The following FANCB variants were observed in gnomAD, a reference collection of about 807,000 sequenced individuals.
FANCB encodes the protein FA complementation group B.
FANCB carries 5 observed loss-of-function variants against 38.9 expected under a neutral mutation model. The observed-to-expected ratio is 0.13, with a 90% CI of 0.07 to 0.27. FANCB has a LOEUF of 0.27. FANCB is among the 10% of genes least tolerant of loss of function. FANCB has a pLI of 1.00. For synonymous variants in FANCB, 236 were observed against 215.4 expected (o/e 1.10, Z -0.84); for missense variants, 573 against 602.7 (o/e 0.95, Z 0.52).
chrX:14,833,424 G>A (rs191209136), downstream of FANCB, among the ~76,000 whole-genome samples: 105 of 112,163 alleles, frequency 9.4e-4, no homozygotes, highest in African/African-American at 3.2e-3. Flanking sequence ...TCGACTGAGA[G>A]CTTGTTAGAA....
chrX:14,833,725 C>G (rs1204392657), downstream of FANCB, among the ~76,000 whole-genome samples: 1 of 108,725 alleles, frequency 9.2e-6, no homozygotes, highest in Non-Finnish European at 1.9e-5. Flanking sequence ...TTTGGGAGGC[C>G]AAAGTGGGCG....
the FANCB span, among the ~76,000 whole-genome samples, chrX:14,807,977 A>G: frequency 1.8e-5 from 2 of 112,024 alleles, no homozygotes; most frequent in African/African-American, 6.5e-5. Context: ...GAAAAAATGA[A>G]CAAATTCCTA....
chrX:14,729,109 A>T, the FANCB span, among the ~76,000 whole-genome samples: 1 of 112,239 alleles, frequency 8.9e-6, no homozygotes, highest in Non-Finnish European at 1.9e-5. Context: ...TATACCTTTT[A>T]TATGTGGATG....
chrX:14,739,136 T>C, the FANCB span, among the ~76,000 whole-genome samples: 1 of 112,129 alleles, frequency 8.9e-6, no homozygotes, highest in African/African-American at 3.2e-5. Context: ...TTAGGGTTTT[T>C]TAAGTATAAT....
the FANCB span, among the ~76,000 whole-genome samples, chrX:14,743,576 CT>C: frequency 0.065 from 5,951 of 91,879 alleles, 232 homozygotes; most frequent in African/African-American, 0.13. Context: ...GTATTTCTTT[CT>C]TTTTTTTTTT....
intron 1 of FANCB, among the ~76,000 whole-genome samples, chrX:14,871,419 A>C (rs1280983542): frequency 8.9e-6 from 1 of 111,824 alleles, no homozygotes; most frequent in African/African-American, 3.3e-5. Flanking sequence ...ACTGAAATGC[A>C]TATACCCAGT....
At chrX:14,812,802 C>T in the FANCB span, among the ~76,000 whole-genome samples, 1 of 111,457 alleles carries the variant, frequency 9.0e-6, no homozygotes, top group Non-Finnish European at 1.9e-5. Flanking sequence ...GGAATCCTCC[C>T]TCACTCATTT....
chrX:14,809,562 G>A, the FANCB span, among the ~76,000 whole-genome samples: 3 of 112,046 alleles, frequency 2.7e-5, no homozygotes, highest in Non-Finnish European at 5.6e-5. Flanking sequence ...CTACGCCCAC[G>A]GAGTCTCGCT....
chrX:14,739,049 T>A, the FANCB span, among the ~76,000 whole-genome samples: 1 of 112,021 alleles, frequency 8.9e-6, no homozygotes, highest in Non-Finnish European at 1.9e-5. Flanking sequence ...GTGGGATGAA[T>A]CTAAACCATA....
the FANCB span, among the ~76,000 whole-genome samples, chrX:14,765,229 C>A: frequency 3.6e-5 from 4 of 111,552 alleles, no homozygotes; most frequent in Admixed American, 3.8e-4. Context: ...TGACCTGCAA[C>A]TGCAGCTGAC....
chrX:14,752,517 G>A, the FANCB span, among the ~76,000 whole-genome samples: 3 of 112,035 alleles, frequency 2.7e-5, no homozygotes, highest in South Asian at 1.1e-3. Context: ...CATATAGTAT[G>A]ACCAAAAGAA....
the FANCB span, among the ~76,000 whole-genome samples, chrX:14,696,354 AAGAG>A: frequency 9.0e-5 from 10 of 110,898 alleles, no homozygotes; most frequent in African/African-American, 3.3e-4. Flanking sequence ...AAGAGAGAGA[AAGAG>A]AGAGACTCAA....
chrX:14,843,014 C>T (rs2092359728), downstream of FANCB, among the ~76,000 whole-genome samples: 1 of 111,987 alleles, frequency 8.9e-6, no homozygotes, highest in Non-Finnish European at 1.9e-5. Flanking sequence ...CTTGTGGATC[C>T]TGACAACCTT....
chrX:14,849,437 C>T (rs1483430547), intron 7 of FANCB, among the ~76,000 whole-genome samples: 1 of 111,671 alleles, frequency 9.0e-6, no homozygotes, highest in Non-Finnish European at 1.9e-5. Flanking sequence ...AATATACTGC[C>T]ATCACCTATT....
chrX:14,868,636 C>A, intron 2 of FANCB, among the ~76,000 whole-genome samples: 1 of 110,739 alleles, frequency 9.0e-6, no homozygotes, highest in Non-Finnish European at 1.9e-5. Context: ...TACAAAGCTA[C>A]AATTAGATAA....
chrX:14,777,854 G>A, the FANCB span, among the ~76,000 whole-genome samples: 2,503 of 111,789 alleles, frequency 0.022, 60 homozygotes, highest in African/African-American at 0.077. Context: ...CCCAAATGCT[G>A]GAGTGAGCAA....
At chrX:14,868,871 C>A (rs917558567) in intron 2 of FANCB, 52 bp downstream of exon 2, 2 of 111,393 alleles carry the variant, frequency 1.8e-5, no homozygotes, top group Non-Finnish European at 3.8e-5. Flanking sequence ...TATACAATTA[C>A]AATGTGTCAA....
the FANCB span, among the ~76,000 whole-genome samples, chrX:14,746,310 G>A: frequency 1.8e-5 from 2 of 111,955 alleles, no homozygotes; most frequent in African/African-American, 6.5e-5. Context: ...CCTGTTTTAG[G>A]ATCTTGGGAT....
the FANCB span, among the ~76,000 whole-genome samples, chrX:14,798,442 G>T: frequency 1.8e-5 from 2 of 112,067 alleles, no homozygotes; most frequent in Non-Finnish European, 3.8e-5. Context: ...GATTACAGGC[G>T]TGAGCCACCG....
Sources: gnomAD v4.1 joint callset for allele counts (sites outside exome capture counted in the v4.1 genomes callset) on GRCh38, gnomAD v4.1.1 for gene constraint, MANE v1.5 for transcripts, NCBI Gene and HGNC (gene_info 2026-07-23, HGNC 2026-07-21) for gene names.